The following CEP85L variants were observed in gnomAD, a reference collection of about 807,000 sequenced individuals.
CEP85L encodes centrosomal protein 85L.
CEP85L carries 60 observed loss-of-function variants against 100.3 expected under a neutral mutation model. The ratio of observed to expected loss-of-function variants is 0.60; its 90% CI spans 0.49 to 0.74. The LOEUF (loss-of-function observed/expected upper bound fraction) is 0.74, where lower values mean the gene tolerates loss of function less well. Among genes scored for constraint, CEP85L ranks in the 30% least tolerant of loss-of-function variants. CEP85L has a pLI of 0.00. For missense variants in CEP85L, 973 were observed against 936.2 expected (o/e 1.04, Z -0.51); for synonymous variants, 319 against 322.7 (o/e 0.99, Z 0.12).
intron 1 of CEP85L, among the ~76,000 whole-genome samples, chr6:118,637,703 CAAAAAAAA>C (rs11388747): frequency 7.3e-4 from 33 of 45,428 alleles, no homozygotes; most frequent in African/African-American, 3.3e-3. Context: ...AAGACTGTCT[CAAAAAAAA>C]AAAAAAAAAA....
chr6:118,629,423 T>C (rs1774000606), intron 2 of CEP85L, among the ~76,000 whole-genome samples: 1 of 152,228 alleles, frequency 6.6e-6, no homozygotes, highest in African/African-American at 2.4e-5. Flanking sequence ...CAAACAAGCA[T>C]ATGAAAAGGT....
At chr6:118,580,963 C>T (rs1292273114) in intron 2 of CEP85L, among the ~76,000 whole-genome samples, 2 of 152,170 alleles carry the variant, frequency 1.3e-5, no homozygotes, top group East Asian at 1.9e-4. Context: ...ATTTCCAGGT[C>T]TCTCTACCGC....
intron 3 of CEP85L, among the ~76,000 whole-genome samples, chr6:118,529,606 TCCAAAAAAAAAAA>T (rs1777171081): frequency 1.7e-5 from 1 of 59,772 alleles, no homozygotes; most frequent in Admixed American, 2.0e-4. Flanking sequence ...AGACTCTGTC[TCCAAAAAAAAAAA>T]AAAAAAAAAA....
intron 2 of CEP85L, among the ~76,000 whole-genome samples, chr6:118,603,742 A>C (rs1324048530): frequency 6.6e-6 from 1 of 152,222 alleles, no homozygotes; most frequent in East Asian, 1.9e-4. Context: ...GAGTTCTGAA[A>C]GTTTTTTCCT....
chr6:118,612,782 A>G (rs1270289096), intron 2 of CEP85L, among the ~76,000 whole-genome samples: 1 of 152,022 alleles, frequency 6.6e-6, no homozygotes, highest in Non-Finnish European at 1.5e-5. Flanking sequence ...AGGAAGCAAC[A>G]AAGAGCAGAA....
chr6:118,574,409 G>A (rs1025469224), intron 2 of CEP85L, among the ~76,000 whole-genome samples: 3 of 152,214 alleles, frequency 2.0e-5, no homozygotes, highest in African/African-American at 7.2e-5. Context: ...TCTTGCGATC[G>A]TTACTGACGC....
At chr6:118,627,164 A>G (rs2115301892) in intron 2 of CEP85L, among the ~76,000 whole-genome samples, 1 of 139,278 alleles carries the variant, frequency 7.2e-6, no homozygotes, top group South Asian at 2.2e-4. Context: ...CCGCCACCGC[A>G]CTCCTGCCTG....
At chr6:118,509,764 C>T (rs777011864) in intron 5 of CEP85L, among the ~76,000 whole-genome samples, 4 of 151,940 alleles carry the variant, frequency 2.6e-5, no homozygotes, top group Non-Finnish European at 5.9e-5. Context: ...CTTTAGATCC[C>T]AATAAGTACG....
At chr6:118,587,402 T>C (rs1780927205) in intron 2 of CEP85L, among the ~76,000 whole-genome samples, 1 of 152,144 alleles carries the variant, frequency 6.6e-6, no homozygotes, top group South Asian at 2.1e-4. Context: ...GGAAGAACCA[T>C]ACTTGGGAGT....
chr6:118,531,345 T>C (rs1777280538), intron 3 of CEP85L, among the ~76,000 whole-genome samples: 2 of 152,108 alleles, frequency 1.3e-5, no homozygotes, highest in Non-Finnish European at 2.9e-5. Context: ...CCTTATACTA[T>C]ATACAAAAAA....
chr6:118,605,995 C>CA (rs1772181302), intron 2 of CEP85L, among the ~76,000 whole-genome samples: 1 of 115,284 alleles, frequency 8.7e-6, no homozygotes. Flanking sequence ...GCCTGGGCAA[C>CA]AGAGCAAGAC....
chr6:118,694,485 C>T (rs1217639706), intron 1 of CEP85L, among the ~76,000 whole-genome samples: 1 of 152,140 alleles, frequency 6.6e-6, no homozygotes, highest in Admixed American at 6.5e-5. Context: ...TTGCTATCAA[C>T]TGGGTGGCAA....
rs1562297650 is a variant in CEP85L at position 118,600,297 on chromosome 6, GGGGGTGT to G, written c.232+32149_232+32155del. ...GTACTGCCTGTCCCTGAGCCTTCCT[GGGGGTGT>G]GTGTGTGTGTGTGTGTGTGTGTGTG... On this transcript the variant is annotated intron_variant, in intron 2 of 12. Transcript: ENST00000368491. 2.5e-3 allele frequency among the ~76,000 whole-genome samples: 156 copies of G among 61,284 alleles called. 18 individuals are homozygous for G. The highest frequency in any genetic ancestry group is 9.0e-3 in the African/African-American group (137 of 15,258). The allele number at this position is 61,284 out of a possible 152,430, so 40.2% of individuals were successfully genotyped here.
rs1777670410 is a variant in CEP85L at position 118,537,658 on chromosome 6, C to T, written c.1021-13738G>A. 1.1e-5 allele frequency: 11 copies of T among 985,318 alleles called. No homozygotes were observed. In the South Asian group the frequency reaches 4.2e-4, roughly 38 times the overall value. 61.0% of individuals were successfully genotyped at this position (985,318 alleles called of 1,614,324 possible). On this transcript the variant is annotated intron_variant, in intron 3 of 12. Coordinates refer to ENST00000368491, the MANE Select transcript of CEP85L (RefSeq NM_001042475.3). ...TTGCCAAAATATGTCACTTAATGGC[C>T]AAACATGCTCCTAATAAAAGTTTAC...
chr6:118,684,186 A>T (rs1280519206), intron 1 of CEP85L, among the ~76,000 whole-genome samples: 2 of 152,198 alleles, frequency 1.3e-5, no homozygotes, highest in South Asian at 4.1e-4. Context: ...TTCTGGCGAG[A>T]TAACTCTCCC....
intron 2 of CEP85L, among the ~76,000 whole-genome samples, chr6:118,576,175 T>C (rs1780221565): frequency 6.6e-6 from 1 of 152,190 alleles, no homozygotes; most frequent in African/African-American, 2.4e-5. Flanking sequence ...ACAAGATGCC[T>C]TCCTATTGCC....
rs1431042542 is a variant in CEP85L at position 118,565,590 on chromosome 6, A to G, written c.959T>C (p.Leu320Ser). 1 of 1,614,084 alleles carries G rather than the reference A, an allele frequency of 6.2e-7. No individual in the cohort carries two copies. The highest frequency in any genetic ancestry group is 8.5e-7 in the Non-Finnish European group (1 of 1,180,036). Residue 320 changes from leucine (L) to serine (S), a missense_variant, in exon 3 of 13, where the codon TTA (leucine) becomes TCA (serine). Transcript: ENST00000368491. ...AATTTGCTGCTGTTGCCAAGGAGCT[A>G]AACTGTAAGAATCCTCTGTATTTCT... ...EGRNTEDSYS[L>S]APWQQQQIED...
At chr6:118,648,553 A>G (rs1051495284) in intron 1 of CEP85L, among the ~76,000 whole-genome samples, 8 of 152,224 alleles carry the variant, frequency 5.3e-5, no homozygotes, top group African/African-American at 1.9e-4. Context: ...CACCCTGGGT[A>G]ACACGGTGAA....
intron 4 of CEP85L, among the ~76,000 whole-genome samples, chr6:118,513,531 A>G (rs1160026038): frequency 6.6e-6 from 1 of 152,200 alleles, no homozygotes; most frequent in Non-Finnish European, 1.5e-5. Context: ...AATGCAATCA[A>G]TAAGACAATG....
Sources: gnomAD v4.1 joint callset for allele counts (sites outside exome capture counted in the v4.1 genomes callset) on GRCh38, gnomAD v4.1.1 for gene constraint, MANE v1.5 for transcripts, NCBI Gene and HGNC (gene_info 2026-07-23, HGNC 2026-07-21) for gene names.